Variants in OLFM2 observed in about 807,000 individuals in gnomAD.
OLFM2 encodes noelin-2.
A neutral mutation model predicts 43.9 loss-of-function variants in OLFM2; 20 were observed. The ratio of observed to expected loss-of-function variants is 0.46; its 90% CI spans 0.32 to 0.66. OLFM2 has a LOEUF of 0.66. Among genes scored for constraint, OLFM2 ranks in the 30% least tolerant of loss-of-function variants. The pLI, the probability that OLFM2 is intolerant of heterozygous loss-of-function variation, is 0.04. For synonymous variants in OLFM2, 268 were observed against 278.6 expected, an observed-to-expected ratio of 0.96 and a Z score of 0.38; for missense variants, 416 against 643.6, an observed-to-expected ratio of 0.65 and a Z score of 3.83.
intron 1 of OLFM2, among the ~76,000 whole-genome samples, chr19:9,888,270 C>G (rs1306560452): frequency 6.6e-6 from 1 of 152,100 alleles, no homozygotes; most frequent in African/African-American, 2.4e-5. Context: ...TGTCTGTAAT[C>G]CCAGCACTTT....
intron 1 of OLFM2, among the ~76,000 whole-genome samples, chr19:9,889,129 T>C (rs2046615859): frequency 6.6e-6 from 1 of 151,518 alleles, no homozygotes; most frequent in Non-Finnish European, 1.5e-5. Context: ...GTGCCCCTTA[T>C]GTGGGTGAGG....
At chr19:9,877,831 ATT>A (rs113203437) in intron 1 of OLFM2, among the ~76,000 whole-genome samples, 6 of 149,888 alleles carry the variant, frequency 4.0e-5, no homozygotes, top group Admixed American at 6.7e-5. Flanking sequence ...GGAAAAATAA[ATT>A]TTTTTTTTTA....
chr19:9,932,719 A>G (rs2086490506), intron 1 of OLFM2, among the ~76,000 whole-genome samples: 1 of 152,126 alleles, frequency 6.6e-6, no homozygotes, highest in Non-Finnish European at 1.5e-5. Flanking sequence ...CCCAGGAAAG[A>G]GTTGGTCCCA....
intron 1 of OLFM2, among the ~76,000 whole-genome samples, chr19:9,900,650 G>T (rs2046723620): frequency 6.6e-6 from 1 of 151,744 alleles, no homozygotes; most frequent in Admixed American, 6.6e-5. Flanking sequence ...AAGCGCTTCG[G>T]GTGGCTGAGG....
chr19:9,913,644 C>T (rs971223025), intron 1 of OLFM2: 4 of 1,246,386 alleles, frequency 3.2e-6, no homozygotes, highest in East Asian at 4.2e-5. Context: ...GCCCCGCGGC[C>T]GCCCGCCGCG....
At chr19:9,860,532 G>T in intron 2 of OLFM2, 113 bp downstream of exon 2, 1 of 1,165,144 alleles carries the variant, frequency 8.6e-7, no homozygotes, top group Non-Finnish European at 1.2e-6. Context: ...AGCCAGCTCT[G>T]AATAATTTGC....
In OLFM2 at chr19:9,877,956, G is replaced by A. The variant is rs115411584; in HGVS notation, c.64-17162C>T. ...CAGTCTCAACATTCCAGGCTCAGTC[G>A]ATCCCCCTGCCTTAGCCTCCTGAGT... On this transcript the variant is annotated intron_variant, in intron 1 of 5. Transcript: ENST00000264833. Among the ~76,000 whole-genome samples the A allele has an allele frequency of 3.8e-3, 571 of 152,060 alleles. 4 individuals carry two copies. The highest frequency in any genetic ancestry group is 0.013 in the African/African-American group (520 of 41,460).
chr19:9,863,752 T>G (rs2145437915), intron 1 of OLFM2, among the ~76,000 whole-genome samples: 1 of 152,122 alleles, frequency 6.6e-6, no homozygotes, highest in African/African-American at 2.4e-5. Context: ...TTTTTTTTTT[T>G]AAGGCTTATT....
intron 1 of OLFM2, among the ~76,000 whole-genome samples, chr19:9,914,034 G>C (rs1185502461): frequency 6.9e-6 from 1 of 144,946 alleles, no homozygotes; most frequent in African/African-American, 2.6e-5. Context: ...TTCCCCAAGC[G>C]CCCCACCACC....
At chr19:9,855,692 G>A (rs1599462052) in intron 5 of OLFM2, among the ~76,000 whole-genome samples, 1 of 151,842 alleles carries the variant, frequency 6.6e-6, no homozygotes, top group Admixed American at 6.6e-5. Flanking sequence ...AAGTCACCAC[G>A]CCCAGCTTAT....
At chr19:9,882,155 C>A (rs562650733) in intron 1 of OLFM2, among the ~76,000 whole-genome samples, 2 of 151,720 alleles carry the variant, frequency 1.3e-5, no homozygotes, top group East Asian at 1.9e-4. Flanking sequence ...GGGAGGATCA[C>A]CTCAGCCCAG....
chr19:9,929,936 G>C (rs1273483987), intron 1 of OLFM2, among the ~76,000 whole-genome samples: 1 of 152,184 alleles, frequency 6.6e-6, no homozygotes, highest in East Asian at 1.9e-4. Context: ...CTACTCGGGA[G>C]GTTGAGGCAG....
At chr19:9,892,085 CTG>C (rs2145466487) in intron 1 of OLFM2, among the ~76,000 whole-genome samples, 1 of 152,060 alleles carries the variant, frequency 6.6e-6, no homozygotes, top group African/African-American at 2.4e-5. Context: ...TGCCAGTTGG[CTG>C]TGTTTGTAAG....
At chr19:9,924,406 CAAAAAAAAAAAAAAA>C (rs1166738814) in intron 1 of OLFM2, among the ~76,000 whole-genome samples, 2 of 25,790 alleles carry the variant, frequency 7.8e-5, no homozygotes, top group Non-Finnish European at 1.9e-4. Context: ...ACTCTGTCTC[CAAAAAAAAAAAAAAA>C]AAAAAAAAAA....
intron 1 of OLFM2, among the ~76,000 whole-genome samples, chr19:9,864,660 A>C (rs1200918876): frequency 1.3e-5 from 2 of 148,604 alleles, no homozygotes; most frequent in Non-Finnish European, 3.0e-5. Context: ...TCTTGCTGTC[A>C]CCCACCACTG....
intron 1 of OLFM2, among the ~76,000 whole-genome samples, chr19:9,916,614 G>T (rs565948546): frequency 6.6e-6 from 1 of 152,252 alleles, no homozygotes; most frequent in South Asian, 2.1e-4. Flanking sequence ...TGGGCTCCAG[G>T]CCTCCTGGCT....
At chr19:9,901,033 AGCGGG>A (rs2046732402) in intron 1 of OLFM2, among the ~76,000 whole-genome samples, 1 of 40,118 alleles carries the variant, frequency 2.5e-5, no homozygotes. Context: ...GAGGGAAGGA[AGCGGG>A]GAGGGAGGGA....
At chr19:9,871,269 TA>T (rs34413780) in intron 1 of OLFM2, among the ~76,000 whole-genome samples, 14 of 144,940 alleles carry the variant, frequency 9.7e-5, no homozygotes, top group South Asian at 4.4e-4. Flanking sequence ...AGATCCTGTC[TA>T]AAAAAAAAAA....
At chr19:9,929,691 G>A (rs1222812071) in intron 1 of OLFM2, among the ~76,000 whole-genome samples, 1 of 152,032 alleles carries the variant, frequency 6.6e-6, no homozygotes, top group Non-Finnish European at 1.5e-5. Context: ...CACTAACACT[G>A]AATCCTGGGG....
Sources: allele counts gnomAD v4.1 joint callset (sites outside exome capture counted in the v4.1 genomes callset), GRCh38; gene constraint gnomAD v4.1.1; transcripts MANE v1.5; gene names NCBI Gene and HGNC (gene_info 2026-07-23, HGNC 2026-07-21).